The following CEP162 variants were observed in gnomAD, a reference collection of about 807,000 sequenced individuals.
The protein encoded by CEP162 is centrosomal protein of 162 kDa.
Under a neutral mutation model 169.2 loss-of-function variants are expected in CEP162, and 141 were observed. The ratio of observed to expected loss-of-function variants is 0.83; its 90% CI spans 0.73 to 0.96. CEP162 has a LOEUF of 0.96. CEP162 is among the 40% of genes least tolerant of loss of function. CEP162 has a pLI of 0.00. For missense variants in CEP162, 1,600 were observed against 1,587.2 expected, an observed-to-expected ratio of 1.01 and a Z score of -0.14; for synonymous variants, 540 against 526.4, an observed-to-expected ratio of 1.03 and a Z score of -0.35.
chr6:84,204,128 C>G (rs966211408), intron 6 of CEP162, 32 bp from the exon 7 acceptor site: 22 of 1,335,394 alleles, frequency 1.6e-5, no homozygotes, highest in Non-Finnish European at 2.2e-5. Context: ...AGTACAAAGA[C>G]CACATTGTTA....
At chr6:84,151,806 A>G (rs2099521236) in intron 23 of CEP162, among the ~76,000 whole-genome samples, 1 of 152,256 alleles carries the variant, frequency 6.6e-6, no homozygotes, top group Middle Eastern at 3.4e-3. Context: ...TGTGGTCAAC[A>G]TTGTTGAAGA....
intron 13 of CEP162, among the ~76,000 whole-genome samples, chr6:84,176,460 A>G (rs928085408): frequency 1.3e-5 from 2 of 152,202 alleles, no homozygotes; most frequent in African/African-American, 4.8e-5. Flanking sequence ...CAAAACTTCC[A>G]AATCACTGGA....
intron 6 of CEP162, among the ~76,000 whole-genome samples, chr6:84,211,739 C>T (rs921197531): frequency 7.3e-5 from 11 of 151,308 alleles, no homozygotes; most frequent in South Asian, 2.1e-4. Context: ...GGGCAGGAAG[C>T]GGAAAGCAGC....
chr6:84,209,387 T>C (rs75239137), intron 6 of CEP162, among the ~76,000 whole-genome samples: 1 of 152,068 alleles, frequency 6.6e-6, no homozygotes, highest in Admixed American at 6.6e-5. Flanking sequence ...TTTTTTTTTT[T>C]TCTTGAGACG....
intron 6 of CEP162, among the ~76,000 whole-genome samples, chr6:84,207,606 T>C (rs1011984049): frequency 3.3e-5 from 5 of 151,382 alleles, no homozygotes; most frequent in African/African-American, 4.8e-5. Context: ...TTCGGAGATA[T>C]ACCTAATGTA....
intron 25 of CEP162, among the ~76,000 whole-genome samples, chr6:84,138,104 C>T (rs2099514937): frequency 6.6e-6 from 1 of 152,114 alleles, no homozygotes. Flanking sequence ...GTTAAAAACA[C>T]ATAAGCAATC....
intron 15 of CEP162, 53 bp downstream of exon 15, chr6:84,174,674 C>CA: frequency 5.8e-6 from 4 of 688,940 alleles, no homozygotes; most frequent in Non-Finnish European, 8.9e-6. Flanking sequence ...GGGAATTCAG[C>CA]TTTTTTTTTT....
Position 84,144,949 on chromosome 6 carries a change from T to A in CEP162, c.3870+1738A>T, listed in dbSNP as rs76356596. Among the ~76,000 whole-genome samples, 112 of 152,278 alleles carry A rather than the reference T, an allele frequency of 7.4e-4. 3 individuals carry two copies. The East Asian group carries it at 0.019, about 26-fold the overall frequency. On this transcript the variant is annotated intron_variant, in intron 25 of 26. Transcript: ENST00000403245. ...TTTCACAGGGACATAAATATTTGCA[T>A]AAGTTCAGTAAGAATCTGTTCTCTT...
At chr6:84,128,933 C>G (rs559693313) in intron 25 of CEP162, among the ~76,000 whole-genome samples, 1 of 149,744 alleles carries the variant, frequency 6.7e-6, no homozygotes, top group Admixed American at 6.8e-5. Context: ...TGAGTGAGAA[C>G]ATGCGGTGTT....
intron 25 of CEP162, among the ~76,000 whole-genome samples, chr6:84,136,903 C>A (rs148919755): frequency 2.6e-5 from 4 of 152,176 alleles, no homozygotes; most frequent in African/African-American, 9.6e-5. Flanking sequence ...CCATCGGCCA[C>A]ACACCAGGCA....
In CEP162 at chr6:84,160,888, T is replaced by C. The variant is rs2099525474; in HGVS notation, c.2705A>G (p.Asn902Ser). Reference sequence around the variant, plus strand: ...GCGTATCTTCTGCCGAATAGATGGATTCCCAGATTCAGCTTTCAGTTTCTC... The same window carrying C: ...GCGTATCTTCTGCCGAATAGATGGACTCCCAGATTCAGCTTTCAGTTTCTC... ...EIEKLKAESG[N>S]PSIRQKIRLK... Residue 902 changes from asparagine to serine, a missense_variant, in exon 21 of 27, where the codon AAT (asparagine) becomes AGT (serine). Physicochemically the swap from Asn to Ser is conservative, Grantham distance 46. Coordinates refer to ENST00000403245, the MANE Select transcript of CEP162 (RefSeq NM_014895.4). 3 of 1,612,398 alleles carry C rather than the reference T, an allele frequency of 1.9e-6. No individual in the cohort carries two copies. Among genetic ancestry groups the C allele is most frequent in the Non-Finnish European group, 2.5e-6 (3 of 1,178,960 alleles).
chr6:84,146,413 AAAAC>A lies in CEP162; in HGVS notation c.3870+270_3870+273del, dbSNP rs534650026. Among the ~76,000 whole-genome samples, 100 of 152,250 alleles carry A rather than the reference AAAAC, an allele frequency of 6.6e-4. 1 individual carries two copies. The highest frequency in any genetic ancestry group is 1.8e-3 in the African/African-American group (73 of 41,574). Reference sequence around the variant, plus strand: ...CACTATTCAATTTTGTCTCCTGAAGAAAACAAACAGAAAACCCAAACATCTCCCG... The same window carrying A: ...CACTATTCAATTTTGTCTCCTGAAGAAAACAGAAAACCCAAACATCTCCCG... On this transcript the variant is annotated intron_variant, in intron 25 of 26. Transcript: ENST00000403245.
intron 6 of CEP162, among the ~76,000 whole-genome samples, chr6:84,212,704 A>G (rs2099549983): frequency 6.6e-6 from 1 of 152,144 alleles, no homozygotes; most frequent in Non-Finnish European, 1.5e-5. Context: ...AAACACATCA[A>G]TTAAAAGGCA....
chr6:84,141,048 G>A (rs1213185682), intron 25 of CEP162, among the ~76,000 whole-genome samples: 1 of 152,156 alleles, frequency 6.6e-6, no homozygotes, highest in Non-Finnish European at 1.5e-5. Flanking sequence ...ACGCTCCTAT[G>A]AGAATCTAAT....
chr6:84,131,980 C>T (rs1330038321), intron 25 of CEP162, among the ~76,000 whole-genome samples: 1 of 152,156 alleles, frequency 6.6e-6, no homozygotes, highest in African/African-American at 2.4e-5. Context: ...TGGCTGGTAC[C>T]AGTCGTTCCT....
At chr6:84,203,647 C>A (rs1210584065) in intron 7 of CEP162, among the ~76,000 whole-genome samples, 2 of 151,986 alleles carry the variant, frequency 1.3e-5, no homozygotes, top group Non-Finnish European at 2.9e-5. Flanking sequence ...AGATGAGATC[C>A]CACTATGTTG....
intron 25 of CEP162, among the ~76,000 whole-genome samples, chr6:84,128,663 A>G (rs1221602791): frequency 1.3e-5 from 2 of 152,138 alleles, no homozygotes. Context: ...AGGTATATAA[A>G]ACACTTTGCA....
chr6:84,138,092 A>C (rs2099514934), intron 25 of CEP162, among the ~76,000 whole-genome samples: 1 of 152,210 alleles, frequency 6.6e-6, no homozygotes, highest in African/African-American at 2.4e-5. Flanking sequence ...GGCCTATAAA[A>C]TGTTAAAAAC....
At chr6:84,181,571 T>C (rs2099534847) in intron 13 of CEP162, among the ~76,000 whole-genome samples, 1 of 152,116 alleles carries the variant, frequency 6.6e-6, no homozygotes, top group African/African-American at 2.4e-5. Flanking sequence ...TGCTTGAATA[T>C]GAAATTTAAA....
Sources: allele counts gnomAD v4.1 joint callset (sites outside exome capture counted in the v4.1 genomes callset), GRCh38; gene constraint gnomAD v4.1.1; transcripts MANE v1.5; gene names NCBI Gene and HGNC (gene_info 2026-07-23, HGNC 2026-07-21).